SCN3A: variants seen among roughly 807,000 people sequenced by gnomAD.
SCN3A encodes the protein sodium channel protein type 3 subunit alpha.
SCN3A carries 60 observed loss-of-function variants against 187.6 expected under a neutral mutation model. The ratio of observed to expected loss-of-function variants is 0.32; its 90% CI spans 0.26 to 0.40. The LOEUF (loss-of-function observed/expected upper bound fraction) is 0.40. SCN3A is among the 10% of genes least tolerant of loss of function. The pLI is 1.00. For missense variants in SCN3A, 1,601 were observed against 2,428.2 expected, an observed-to-expected ratio of 0.66 and a Z score of 7.16; for synonymous variants, 788 against 829.2, an observed-to-expected ratio of 0.95 and a Z score of 0.85.
chr2:165,162,170 G>A lies in SCN3A; in HGVS notation c.1031+138C>T, dbSNP rs1006274550. On this transcript the variant is annotated intron_variant, in intron 9 of 27. Transcript: ENST00000283254. Reference sequence around the variant, plus strand: ...AGTGGCAATCCGGTAAGGCAGACAAGGCACTTCCTAGGGGAGCAGCACTGC... The same window carrying A: ...AGTGGCAATCCGGTAAGGCAGACAAAGCACTTCCTAGGGGAGCAGCACTGC... The A allele has an allele frequency of 9.2e-6, 7 of 759,026 alleles. No homozygotes were observed. The East Asian group carries it at 1.9e-4, about 20-fold the overall frequency. The allele number at this position is 759,026 out of a possible 1,614,324, so 47.0% of individuals were successfully genotyped here. A position where few individuals can be genotyped will look rare whatever the true frequency, so the allele number is the denominator to read the frequency against.
chr2:165,159,666 T>G lies in SCN3A; in HGVS notation c.1031+2642A>C, dbSNP rs2105879815. On this transcript the variant is annotated intron_variant, in intron 9 of 27. Transcript: ENST00000283254. ...AATGAGCTACTTCACCTAGCCCCAG[T>G]CTTTTTTTTTTTTTTTTTAAATCAG... Among the ~76,000 whole-genome samples the G allele has an allele frequency of 1.5e-5, 2 of 133,000 alleles. 1 individual carries two copies. Among genetic ancestry groups the G allele is most frequent in the African/African-American group, 6.2e-5 (2 of 32,432 alleles). 87.3% of individuals were successfully genotyped at this position (133,000 alleles called of 152,430 possible). A position where few individuals can be genotyped will look rare whatever the true frequency, so the allele number is the denominator to read the frequency against.
At chr2:165,141,085 T>C in intron 12 of SCN3A, 87 bp from the exon 13 acceptor site, 1 of 842,498 alleles carries the variant, frequency 1.2e-6, no homozygotes, top group South Asian at 2.0e-5. Flanking sequence ...AAAGGATCTG[T>C]TTTCTTTGGA....
At chr2:165,113,131 T>C in intron 20 of SCN3A, 73 bp from the exon 21 acceptor site, 2 of 1,071,272 alleles carry the variant, frequency 1.9e-6, no homozygotes, top group South Asian at 2.6e-5. Flanking sequence ...TTGCTTAGTA[T>C]AATAGTGAGT....
intron 18 of SCN3A, 73 bp from the exon 19 acceptor site, chr2:165,115,648 T>C (rs535896949): frequency 6.0e-5 from 86 of 1,442,820 alleles, no homozygotes; most frequent in Non-Finnish European, 7.7e-5. Context: ...TACTGTGTCA[T>C]TGTGTGAAAA....
chr2:165,137,977 C>T lies in SCN3A; in HGVS notation c.2293G>A (p.Ala765Thr), dbSNP rs1687767627. Residue 765 changes from alanine to threonine, a missense_variant, in exon 15 of 28, where the codon GCC becomes ACC. This residue lies in a region of SCN3A where 376 missense variants were observed against 476.0 expected (regional missense o/e 0.79). Transcript: ENST00000283254. ...LIVMDPFVDLAITICIVLNTL... is the reference protein window; with the variant it reads ...LIVMDPFVDLTITICIVLNTL... ...TTTAAGACAATGCAAATAGTGATGG[C>T]AAGATCAACAAATGGATCCATAACA... The T allele has an allele frequency of 6.2e-7, 1 of 1,613,466 alleles. No homozygotes were observed. The highest frequency in any genetic ancestry group is 8.5e-7 in the Non-Finnish European group (1 of 1,179,554).
At chr2:165,143,252 C>T (rs1264479365) in intron 12 of SCN3A, among the ~76,000 whole-genome samples, 2 of 152,138 alleles carry the variant, frequency 1.3e-5, no homozygotes, top group South Asian at 2.1e-4. Flanking sequence ...CTAACTTGGT[C>T]TTACATTAAT....
intron 15 of SCN3A, among the ~76,000 whole-genome samples, chr2:165,132,186 G>T (rs1198845520): frequency 6.6e-6 from 1 of 152,078 alleles, no homozygotes; most frequent in Non-Finnish European, 1.5e-5. Context: ...AATCAATATC[G>T]TGAAAATGGC....
chr2:165,188,352 C>A (rs1017986259), intron 1 of SCN3A, among the ~76,000 whole-genome samples: 5 of 152,070 alleles, frequency 3.3e-5, no homozygotes, highest in African/African-American at 1.2e-4. Flanking sequence ...TGGATTAATA[C>A]TTCACTTTAG....
intron 21 of SCN3A, among the ~76,000 whole-genome samples, 157 bp downstream of exon 21, chr2:165,112,728 C>G (rs1200993927): frequency 2.0e-5 from 3 of 152,164 alleles, no homozygotes; most frequent in Non-Finnish European, 2.9e-5. Context: ...CTACTCTTTC[C>G]CATGAGATAT....
chr2:165,105,482 C>G (rs1374230054), intron 21 of SCN3A, among the ~76,000 whole-genome samples: 1 of 152,136 alleles, frequency 6.6e-6, no homozygotes, highest in Admixed American at 6.5e-5. Context: ...AGCCCTATTT[C>G]CTATCTGCTG....
chr2:165,100,052 T>C (rs530531749), intron 22 of SCN3A, among the ~76,000 whole-genome samples: 4 of 152,304 alleles, frequency 2.6e-5, no homozygotes, highest in African/African-American at 7.2e-5. Flanking sequence ...TTTTTGAGTG[T>C]TGTAGAAACA....
chr2:165,143,450 C>CT (rs1180555816), intron 12 of SCN3A, among the ~76,000 whole-genome samples: 2 of 152,134 alleles, frequency 1.3e-5, no homozygotes, highest in African/African-American at 4.8e-5. Flanking sequence ...TTCCAGATCT[C>CT]TGAGTTTATT....
intron 18 of SCN3A, among the ~76,000 whole-genome samples, chr2:165,118,916 C>A (rs1347832457): frequency 6.6e-6 from 1 of 152,168 alleles, no homozygotes; most frequent in Non-Finnish European, 1.5e-5. Flanking sequence ...GCGCCCGCCA[C>A]CATGATTGGC....
In SCN3A at chr2:165,092,908, C is replaced by A; in HGVS notation, c.4537-384G>T. Reference sequence around the variant, plus strand: ...CTCATTTCTATTAAAAAAAAATTAGCCTGGTATGGTGGCACAGGCTTGCAG... The same window carrying A: ...CTCATTTCTATTAAAAAAAAATTAGACTGGTATGGTGGCACAGGCTTGCAG... On this transcript the variant is annotated intron_variant, in intron 26 of 27. Coordinates refer to ENST00000283254, the MANE Select transcript of SCN3A (RefSeq NM_006922.4). This position sits in a 1 kb window ranked among gnomAD's most constrained non-coding sequence, Gnocchi z 4.2. 1 of 197,224 alleles carries A rather than the reference C, an allele frequency of 5.1e-6. No individual in the cohort carries two copies. Among genetic ancestry groups the A allele is most frequent in the South Asian group, 8.8e-5 (1 of 11,412 alleles). 12.2% of individuals were successfully genotyped at this position (197,224 alleles called of 1,614,324 possible).
intron 9 of SCN3A, 48 bp downstream of exon 9, chr2:165,162,260 T>A (rs1442780885): frequency 6.5e-7 from 1 of 1,541,776 alleles, no homozygotes; most frequent in East Asian, 2.3e-5. Context: ...CCTACTTTTT[T>A]TTTTCGCAAA....
chr2:165,162,867 C>T (rs1392590801), intron 7 of SCN3A, 39 bp from the exon 8 acceptor site: 1 of 1,610,216 alleles, frequency 6.2e-7, no homozygotes, highest in African/African-American at 1.3e-5. Context: ...AGGAAGAGTG[C>T]CAGAAATCAT....
intron 4 of SCN3A, among the ~76,000 whole-genome samples, chr2:165,169,535 C>A (rs1035460842): frequency 6.6e-6 from 1 of 151,586 alleles, no homozygotes; most frequent in East Asian, 1.9e-4. Context: ...GATCTAAGTC[C>A]AGACTTCCCT....
chr2:165,115,565 G>C lies in SCN3A; in HGVS notation c.3404C>G (p.Ala1135Gly), dbSNP rs144155311. 1.2e-6 allele frequency: 2 copies of C among 1,613,084 alleles called. No individual in the cohort carries two copies. The highest frequency in any genetic ancestry group is 8.5e-7 in the Non-Finnish European group (1 of 1,179,612). ...ELEESKEKLN[A>G]TSSSEGSTVD... ...TGTGCTTCCTTCAGATGAGCTGGTT[G>C]CATTTAATTTCTGGAAACAAAATCC... is the stretch of plus-strand genomic sequence containing the variant. The change falls in exon 19 of 28, where the codon GCA becomes GGA. Residue 1135 changes from alanine to glycine, a missense_variant. Around this residue, in one of 11 missense-constraint regions of SCN3A, gnomAD observed 267 missense variants for 313.2 expected, o/e 0.85. Transcript: ENST00000283254.
intron 3 of SCN3A, among the ~76,000 whole-genome samples, chr2:165,172,878 C>A (rs961801573): frequency 1.3e-5 from 2 of 152,070 alleles, no homozygotes; most frequent in African/African-American, 2.4e-5. Flanking sequence ...ACAAAGAGAA[C>A]CCTGAGTTCT....
Sources: gnomAD v4.1 joint callset for allele counts (sites outside exome capture counted in the v4.1 genomes callset) on GRCh38, gnomAD v4.1.1 for gene constraint, gnomAD v4.1.1 regional missense constraint, Gnocchi (gnomAD v3.1) non-coding constraint, MANE v1.5 for transcripts, NCBI Gene and HGNC (gene_info 2026-07-23, HGNC 2026-07-21) for gene names.